The following CSPP1 variants were observed in gnomAD, a reference collection of about 807,000 sequenced individuals.
The protein encoded by CSPP1 is centrosome and spindle pole associated protein 1, also known as centrosome and spindle pole-associated protein 1.
In CSPP1, 126 loss-of-function variants were observed where a neutral mutation model predicts 164.4. The observed-to-expected ratio is 0.77, with a 90% CI of 0.66 to 0.89. The LOEUF is 0.89. CSPP1 is among the 40% of genes least tolerant of loss of function. CSPP1 has a pLI of 0.00. For synonymous variants in CSPP1, 472 were observed against 476.7 expected (o/e 0.99, Z 0.13); for missense variants, 1,395 against 1,449.8 (o/e 0.96, Z 0.61).
chr8:67,140,503 C>T (rs1823287540), intron 17 of CSPP1, among the ~76,000 whole-genome samples: 2 of 152,114 alleles, frequency 1.3e-5, no homozygotes, highest in African/African-American at 4.8e-5. Context: ...CTTTCTTTAT[C>T]AATGAAATGA....
intron 1 of CSPP1, among the ~76,000 whole-genome samples, chr8:67,071,019 C>A (rs1342285483): frequency 6.6e-6 from 1 of 152,110 alleles, no homozygotes; most frequent in Non-Finnish European, 1.5e-5. Flanking sequence ...TCTCAGAGTG[C>A]TGGGATTACA....
rs1324130495 is a variant in CSPP1, at chr8:67,076,486, AGTT to A, written c.107_109del (p.Leu36del). 1.3e-6 allele frequency: 2 copies of A among 1,571,874 alleles called. No homozygotes were observed. The highest frequency in any genetic ancestry group is 2.8e-5 in the African/African-American group (2 of 72,422). On this transcript the variant is annotated inframe_deletion, in exon 3 of 31. Transcript: ENST00000678616. Reference sequence around the variant, plus strand: ...TAAACATTATGTCTCTTTCAGGGAAAGTTGTCAGCGAAGCTTTCTGAAAACAGT... The same window carrying A: ...TAAACATTATGTCTCTTTCAGGGAAAGTCAGCGAAGCTTTCTGAAAACAGT...
At chr8:67,066,341 T>C (rs750335795) in intron 1 of CSPP1, among the ~76,000 whole-genome samples, 1 of 152,164 alleles carries the variant, frequency 6.6e-6, no homozygotes, top group Non-Finnish European at 1.5e-5. Context: ...TTTCATTCGG[T>C]AGATGGATCT....
chr8:67,114,136 C>G (rs1817453347), intron 11 of CSPP1, 193 bp from the exon 12 acceptor site: 1 of 258,700 alleles, frequency 3.9e-6, no homozygotes, highest in African/African-American at 2.2e-5. Flanking sequence ...GGAAAGTTAT[C>G]TGGGTTAAAT....
In CSPP1 at chr8:67,158,557, T is replaced by C. The variant is rs1827113846; in HGVS notation, c.2352T>C (p.Tyr784=). 1 of 1,610,568 alleles carries C rather than the reference T, an allele frequency of 6.2e-7. No individual in the cohort carries two copies. ...AGAGGGCACGAATTCAGCAGGAGTA[T>C]GAAGAGGAACAGGAAAAGAAAAGAG... ...AEQRARIQQE[Y]EEEQEKKREK... is the part of the protein sequence containing the mutation. Residue 784 remains tyrosine, a synonymous_variant, in exon 20 of 31, where the codon TAT becomes TAC. Transcript: ENST00000678616.
intron 9 of CSPP1, among the ~76,000 whole-genome samples, chr8:67,106,913 TG>T (rs1215459702): frequency 2.0e-5 from 3 of 152,196 alleles, no homozygotes. Context: ...AAAAATGGCA[TG>T]CCACCTAGAA....
intron 17 of CSPP1, among the ~76,000 whole-genome samples, chr8:67,146,178 A>G (rs1824520385): frequency 6.7e-6 from 1 of 148,632 alleles, no homozygotes; most frequent in Non-Finnish European, 1.5e-5. Flanking sequence ...GCTGTAATGC[A>G]ATGGCACGGT....
intron 6 of CSPP1, 71 bp downstream of exon 6, chr8:67,093,712 T>G (rs1425527565): frequency 1.1e-6 from 1 of 885,360 alleles, no homozygotes; most frequent in Non-Finnish European, 1.7e-6. Context: ...TTGAAAAGCT[T>G]TTTCTATTTT....
chr8:67,069,575 T>G (rs1806276806), intron 1 of CSPP1, among the ~76,000 whole-genome samples: 1 of 151,964 alleles, frequency 6.6e-6, no homozygotes, highest in Admixed American at 6.6e-5. Flanking sequence ...TTAGGTGGTA[T>G]GGAAACCTTA....
chr8:67,106,259 C>A (rs1815505413), intron 9 of CSPP1, among the ~76,000 whole-genome samples: 1 of 151,506 alleles, frequency 6.6e-6, no homozygotes, highest in African/African-American at 2.4e-5. Context: ...GATGTGCTTT[C>A]CGTAGGTGAT....
intron 7 of CSPP1, among the ~76,000 whole-genome samples, chr8:67,100,805 A>AT (rs1491105387): frequency 8.1e-5 from 12 of 148,564 alleles, no homozygotes; most frequent in African/African-American, 2.7e-4. Flanking sequence ...ATATATATAT[A>AT]AATAAAGATT....
chr8:67,114,138 G>A (rs1266827133), intron 11 of CSPP1, 191 bp from the exon 12 acceptor site: 1 of 254,454 alleles, frequency 3.9e-6, no homozygotes. Flanking sequence ...AAAGTTATCT[G>A]GGTTAAATTT....
At chr8:67,184,217 A>G (rs2358043) in intron 28 of CSPP1, among the ~76,000 whole-genome samples, 13,110 of 152,314 alleles carry the variant, frequency 0.086, 764 homozygotes, top group Non-Finnish European at 0.12. Context: ...TGAAGAAAGT[A>G]GAAAGATCTA....
chr8:67,076,433 C>T (rs942221821), intron 2 of CSPP1, 49 bp from the exon 3 acceptor site: 4 of 1,074,108 alleles, frequency 3.7e-6, no homozygotes, highest in Non-Finnish European at 4.1e-6. Flanking sequence ...TTGTATATTT[C>T]ATGGTTTTTT....
At chr8:67,171,628 GCCT>G (rs1830482755) in intron 24 of CSPP1, among the ~76,000 whole-genome samples, 2 of 149,818 alleles carry the variant, frequency 1.3e-5, no homozygotes, top group South Asian at 4.4e-4. Context: ...GCTCACCACA[GCCT>G]CCTCCTCCTG....
At chr8:67,148,126 C>T (rs906045227) in intron 17 of CSPP1, among the ~76,000 whole-genome samples, 1 of 151,744 alleles carries the variant, frequency 6.6e-6, no homozygotes, top group Non-Finnish European at 1.5e-5. Flanking sequence ...ACCATGTTGC[C>T]CAGGATGGTC....
intron 15 of CSPP1, among the ~76,000 whole-genome samples, chr8:67,124,166 T>C (rs2129552616): frequency 6.6e-6 from 1 of 152,330 alleles, no homozygotes; most frequent in East Asian, 1.9e-4. Flanking sequence ...CCCAAAGTGC[T>C]GGGATTACAG....
intron 10 of CSPP1, among the ~76,000 whole-genome samples, chr8:67,113,553 C>T (rs1401424996): frequency 2.0e-5 from 3 of 151,874 alleles, no homozygotes; most frequent in African/African-American, 7.3e-5. Flanking sequence ...GTGAATTAGT[C>T]TTTGAAATAC....
chr8:67,085,942 A>G, intron 3 of CSPP1, 65 bp from the exon 4 acceptor site: 2 of 769,360 alleles, frequency 2.6e-6, no homozygotes, highest in South Asian at 1.4e-5. Flanking sequence ...GTGCTTTGTT[A>G]CAGGAAGTAG....
Sources: allele counts gnomAD v4.1 joint callset (sites outside exome capture counted in the v4.1 genomes callset), GRCh38; gene constraint gnomAD v4.1.1; transcripts MANE v1.5; gene names NCBI Gene and HGNC (gene_info 2026-07-23, HGNC 2026-07-21).